The following ITGAE variants were observed in gnomAD, a reference collection of about 807,000 sequenced individuals.
ITGAE encodes the protein integrin subunit alpha E, also known as integrin alpha-E.
ITGAE carries 99 observed loss-of-function variants against 136.5 expected under a neutral mutation model. The observed-to-expected ratio is 0.73, with a 90% CI of 0.62 to 0.86. The LOEUF (loss-of-function observed/expected upper bound fraction) is 0.86. Ranked by LOEUF, ITGAE falls within the 40% of genes least tolerant of loss-of-function variation. The probability of loss-of-function intolerance (pLI) is 0.00; values close to 1 mark genes in which losing one functional copy is unlikely to be tolerated. For synonymous variants in ITGAE, 613 were observed against 591.8 expected, an observed-to-expected ratio of 1.04 and a Z score of -0.52; for missense variants, 1,447 against 1,515.3, an observed-to-expected ratio of 0.95 and a Z score of 0.75.
intron 29 of ITGAE, chr17:3,717,742 A>C (rs1452926279): frequency 6.6e-6 from 1 of 152,232 alleles, no homozygotes; most frequent in Admixed American, 6.5e-5. Flanking sequence ...TGGTTGACCT[A>C]AAGTTGACCT....
chr17:3,754,722 A>G, intron 12 of ITGAE: 1 of 253,902 alleles, frequency 3.9e-6, no homozygotes, highest in Non-Finnish European at 7.8e-6. Flanking sequence ...CCATCCGGAA[A>G]CCTCAAGTGC....
chr17:3,760,260 C>T lies in ITGAE; in HGVS notation c.626G>A (p.Gly209Asp). Residue 209 changes from glycine to aspartate, a missense_variant, in exon 7 of 31, where the codon GGC (glycine) becomes GAC (aspartate). By Grantham distance (94) the Gly-to-Asp change is moderately conservative. Coordinates refer to ENST00000263087, the MANE Select transcript of ITGAE (RefSeq NM_002208.5). ...GTCTGGGGGATCAATGCTTCCTGAGCCATCCAGGATGATGGCAATCTCGGT... is the reference window on the plus strand; with the variant it reads ...GTCTGGGGGATCAATGCTTCCTGAGTCATCCAGGATGATGGCAATCTCGGT... ...AGTEIAIILD[G>D]SGSIDPPDFQ... 1 of 1,613,390 alleles carries T rather than the reference C, an allele frequency of 6.2e-7. No individual in the cohort carries two copies. Among genetic ancestry groups the T allele is most frequent in the South Asian group, 1.1e-5 (1 of 91,004 alleles).
At chr17:3,787,026 T>C (rs1267146612) in intron 1 of ITGAE, among the ~76,000 whole-genome samples, 1 of 152,022 alleles carries the variant, frequency 6.6e-6, no homozygotes, top group Non-Finnish European at 1.5e-5. Flanking sequence ...CATATGATTA[T>C]GATAGATGCA....
At chr17:3,791,381 C>G (rs2143472825) in intron 1 of ITGAE, among the ~76,000 whole-genome samples, 1 of 152,054 alleles carries the variant, frequency 6.6e-6, no homozygotes, top group East Asian at 2.0e-4. Flanking sequence ...CTCCCGGATT[C>G]AAGTGATTCT....
At chr17:3,770,644 G>A (rs1224264580) in intron 2 of ITGAE, among the ~76,000 whole-genome samples, 1 of 152,186 alleles carries the variant, frequency 6.6e-6, no homozygotes, top group Non-Finnish European at 1.5e-5. Context: ...CAGGCCCGTG[G>A]TCTCAGGCCC....
intron 1 of ITGAE, among the ~76,000 whole-genome samples, chr17:3,795,990 TGTGTGTGCATCC>T (rs1162472743): frequency 2.4e-3 from 17 of 7,112 alleles, no homozygotes; most frequent in Non-Finnish European, 4.9e-3. Flanking sequence ...TGTGTGCATC[TGTGTGTGCATCC>T]GTGTGTGCAT....
chr17:3,723,830 G>A, intron 26 of ITGAE, 86 bp from the exon 27 acceptor site: 4 of 1,553,208 alleles, frequency 2.6e-6, no homozygotes, highest in East Asian at 2.3e-5. Context: ...CTGGCGAGGT[G>A]CGCATGCGCA....
intron 29 of ITGAE, chr17:3,718,365 A>G (rs2143005640): frequency 6.6e-6 from 1 of 152,362 alleles, no homozygotes; most frequent in African/African-American, 2.4e-5. Context: ...GCCATGTGAA[A>G]ATACAGCATT....
chr17:3,731,674 T>C (rs2051347812), intron 22 of ITGAE, among the ~76,000 whole-genome samples: 1 of 151,736 alleles, frequency 6.6e-6, no homozygotes, highest in Non-Finnish European at 1.5e-5. Context: ...AATACAAATA[T>C]GGAGTAAGCA....
At chr17:3,767,092 T>C (rs2052317778) in intron 2 of ITGAE, among the ~76,000 whole-genome samples, 2 of 137,270 alleles carry the variant, frequency 1.5e-5, no homozygotes, top group Non-Finnish European at 3.2e-5. Flanking sequence ...CTCCAAATTC[T>C]TTTTTTTTTT....
chr17:3,739,958 G>A, intron 19 of ITGAE, 80 bp from the exon 20 acceptor site: 1 of 1,180,194 alleles, frequency 8.5e-7, no homozygotes, highest in Non-Finnish European at 1.3e-6. Context: ...CTCCTTATAG[G>A]AAGTTTTGGG....
rs1427850785 is a variant in ITGAE, at chr17:3,716,678, T to C, written c.3444+10A>G. 1.3e-6 allele frequency: 2 copies of C among 1,504,504 alleles called. No homozygotes were observed. The highest frequency in any genetic ancestry group is 1.9e-6 in the Non-Finnish European group (2 of 1,080,360). 93.2% of individuals were successfully genotyped at this position (1,504,504 alleles called of 1,614,324 possible). On this transcript the variant is annotated intron_variant, in intron 30 of 30. Transcript: ENST00000263087. The stretch of plus-strand genomic sequence containing the variant: ...TCTTCCCTCACTGTGATGCCATGAG[T>C]AGAACTGACCTTGAACAGGATGACC...
intron 1 of ITGAE, among the ~76,000 whole-genome samples, chr17:3,786,300 CTGAG>C (rs1252218341): frequency 3.9e-5 from 6 of 152,036 alleles, no homozygotes; most frequent in Admixed American, 2.6e-4. Context: ...AATGTATCAC[CTGAG>C]TAAGATATTT....
At chr17:3,777,812 A>G in intron 1 of ITGAE, 152 bp from the exon 2 acceptor site, 1 of 922,828 alleles carries the variant, frequency 1.1e-6, no homozygotes, top group Non-Finnish European at 1.5e-6. Context: ...GACTAGACGC[A>G]GGTGTATCTG....
At chr17:3,747,052 G>A (rs187336162) in intron 17 of ITGAE, among the ~76,000 whole-genome samples, 3 of 152,310 alleles carry the variant, frequency 2.0e-5, no homozygotes, top group South Asian at 2.1e-4. Context: ...ATCGTTCCAG[G>A]GGGGAGCTCT....
At chr17:3,739,578 C>T (rs1333893062) in intron 20 of ITGAE, among the ~76,000 whole-genome samples, 2 of 152,148 alleles carry the variant, frequency 1.3e-5, no homozygotes, top group Admixed American at 1.3e-4. Flanking sequence ...TATGCAGGGC[C>T]CTCGGCGACT....
intron 20 of ITGAE, 97 bp from the exon 21 acceptor site, chr17:3,735,046 T>G: frequency 2.2e-6 from 3 of 1,371,478 alleles, no homozygotes; most frequent in Non-Finnish European, 3.1e-6. Context: ...AGCGTGGTGC[T>G]GTGGTGCAAT....
intron 1 of ITGAE, among the ~76,000 whole-genome samples, chr17:3,784,764 T>C (rs1412587456): frequency 6.6e-6 from 1 of 152,180 alleles, no homozygotes; most frequent in East Asian, 1.9e-4. Context: ...AGCTAAAGCC[T>C]CAATAAATAT....
chr17:3,771,541 T>C lies in ITGAE; in HGVS notation c.155+5999A>G, dbSNP rs1339745611. 6.3e-3 allele frequency among the ~76,000 whole-genome samples: 947 copies of C among 150,044 alleles called. 3 individuals carry two copies. Among genetic ancestry groups the C allele is most frequent in the Admixed American group, 9.6e-3 (145 of 15,094 alleles). ...TGAGGTGTGCATTTTTCTCTTTTTT[T>C]TTTTTTTTTTTTTGGAGAGACAGAG... is the stretch of plus-strand genomic sequence containing the variant. On this transcript the variant is annotated intron_variant, in intron 2 of 30. Coordinates refer to ENST00000263087, the MANE Select transcript of ITGAE (RefSeq NM_002208.5).
Sources: allele counts gnomAD v4.1 joint callset (sites outside exome capture counted in the v4.1 genomes callset), GRCh38; gene constraint gnomAD v4.1.1; transcripts MANE v1.5; gene names NCBI Gene and HGNC (gene_info 2026-07-23, HGNC 2026-07-21).